The following LRP1B variants were observed in gnomAD, a reference collection of about 807,000 sequenced individuals.
LRP1B encodes the protein low-density lipoprotein receptor-related protein 1B.
LRP1B carries 217 observed loss-of-function variants against 556.6 expected under a neutral mutation model. The observed-to-expected ratio is 0.39, with a 90% CI of 0.35 to 0.44. LRP1B has a LOEUF of 0.44. Among genes scored for constraint, LRP1B ranks in the 20% least tolerant of loss-of-function variants. LRP1B has a pLI of 1.00. For synonymous variants in LRP1B, 2,047 were observed against 1,865.8 expected (o/e 1.10, Z -2.50); for missense variants, 5,053 against 5,620.8 (o/e 0.90, Z 3.23).
chr2:141,991,012 A>C (rs760144359), intron 1 of LRP1B, among the ~76,000 whole-genome samples: 1 of 151,798 alleles, frequency 6.6e-6, no homozygotes, highest in Non-Finnish European at 1.5e-5. Context: ...CCCGTTTTTC[A>C]TTTTGCACTT....
chr2:140,903,574 T>C (rs1302908682), intron 22 of LRP1B, among the ~76,000 whole-genome samples: 1 of 152,092 alleles, frequency 6.6e-6, no homozygotes, highest in African/African-American at 2.4e-5. Context: ...TAGACATATC[T>C]TGATGTTAAT....
intron 89 of LRP1B, 110 bp downstream of exon 89, chr2:140,238,042 C>G (rs1680788339): frequency 1.3e-5 from 12 of 945,232 alleles, no homozygotes; most frequent in African/African-American, 1.7e-5. Context: ...CCTAAAGTCC[C>G]TTATTCTAAC....
At chr2:141,749,727 A>C (rs1301158065) in intron 2 of LRP1B, among the ~76,000 whole-genome samples, 1 of 152,142 alleles carries the variant, frequency 6.6e-6, no homozygotes, top group Non-Finnish European at 1.5e-5. Flanking sequence ...AATGGAGTCT[A>C]TGAAGAGAGC....
chr2:140,613,427 A>G (rs1170119687), intron 41 of LRP1B, among the ~76,000 whole-genome samples: 1 of 145,352 alleles, frequency 6.9e-6, no homozygotes, highest in African/African-American at 2.5e-5. Context: ...AAATATATAT[A>G]TAATTATATA....
At chr2:140,800,986 T>C (rs1222827659) in intron 32 of LRP1B, among the ~76,000 whole-genome samples, 1 of 152,162 alleles carries the variant, frequency 6.6e-6, no homozygotes, top group African/African-American at 2.4e-5. Flanking sequence ...TTACATAAAA[T>C]GGCCATTTTA....
chr2:141,362,296 T>C (rs188520470), intron 3 of LRP1B, among the ~76,000 whole-genome samples: 1 of 152,366 alleles, frequency 6.6e-6, no homozygotes, highest in East Asian at 1.9e-4. Context: ...GAGATGATTA[T>C]GTATATTTAA....
At chr2:142,086,878 C>T (rs890969705) in intron 1 of LRP1B, among the ~76,000 whole-genome samples, 1 of 152,074 alleles carries the variant, frequency 6.6e-6, no homozygotes. Flanking sequence ...ATTGTCATCA[C>T]GAAAGCAATA....
At chr2:140,682,508 T>C (rs1377717568) in intron 41 of LRP1B, among the ~76,000 whole-genome samples, 2 of 152,210 alleles carry the variant, frequency 1.3e-5, no homozygotes, top group African/African-American at 4.8e-5. Flanking sequence ...TGCCTTGGGC[T>C]GGGCTGCAGG....
chr2:140,311,641 C>T (rs1207742151), intron 83 of LRP1B, among the ~76,000 whole-genome samples: 3 of 151,826 alleles, frequency 2.0e-5, no homozygotes, highest in Non-Finnish European at 4.4e-5. Context: ...TGTAACAAAA[C>T]TGCACTTGTA....
At chr2:140,702,115 C>T (rs1169330953) in intron 39 of LRP1B, 26 bp downstream of exon 39, 1 of 1,608,198 alleles carries the variant, frequency 6.2e-7, no homozygotes, top group Non-Finnish European at 8.5e-7. Context: ...TTTTGAGACT[C>T]AAATACTTAT....
chr2:140,703,502 T>TA (rs1559065630), intron 37 of LRP1B, among the ~76,000 whole-genome samples: 2 of 152,200 alleles, frequency 1.3e-5, no homozygotes. Context: ...CTGAAGTTTT[T>TA]ATCCAACTAT....
At chr2:141,869,769 C>T (rs185694663) in intron 1 of LRP1B, among the ~76,000 whole-genome samples, 1 of 152,196 alleles carries the variant, frequency 6.6e-6, no homozygotes, top group African/African-American at 2.4e-5. Context: ...AGGTACCTGG[C>T]AGAATGCCAG....
At chr2:142,100,551 A>G (rs1286824659) in intron 1 of LRP1B, among the ~76,000 whole-genome samples, 3 of 152,032 alleles carry the variant, frequency 2.0e-5, no homozygotes, top group Non-Finnish European at 4.4e-5. Flanking sequence ...ATGCTTATTT[A>G]TGATTCATTT....
chr2:142,064,538 G>C (rs542315318), intron 1 of LRP1B, among the ~76,000 whole-genome samples: 12 of 151,542 alleles, frequency 7.9e-5, no homozygotes, highest in African/African-American at 2.7e-4. Flanking sequence ...AAAGGGGATT[G>C]TAGTAATATC....
chr2:141,847,463 A>C (rs1358562343), intron 1 of LRP1B, among the ~76,000 whole-genome samples: 1 of 151,620 alleles, frequency 6.6e-6, no homozygotes, highest in Non-Finnish European at 1.5e-5. Context: ...AAGACATGAA[A>C]GCAGCTAGGT....
chr2:141,938,296 T>C (rs1700696942), intron 1 of LRP1B, among the ~76,000 whole-genome samples: 1 of 152,058 alleles, frequency 6.6e-6, no homozygotes, highest in Non-Finnish European at 1.5e-5. Context: ...TAGAAAAGGA[T>C]CTGAATCAAC....
intron 60 of LRP1B, among the ~76,000 whole-genome samples, chr2:140,459,812 G>T (rs1459163041): frequency 6.6e-6 from 1 of 152,018 alleles, no homozygotes; most frequent in Non-Finnish European, 1.5e-5. Context: ...TTTCTCCCTT[G>T]CTATTCTCCT....
At chr2:141,759,998 G>A (rs536221621) in intron 2 of LRP1B, among the ~76,000 whole-genome samples, 21 of 152,162 alleles carry the variant, frequency 1.4e-4, no homozygotes, top group Admixed American at 7.2e-4. Context: ...GCGTGGTTGC[G>A]TGCGTCTATA....
chr2:141,052,097 C>T (rs1318202431), intron 10 of LRP1B, among the ~76,000 whole-genome samples: 1 of 151,898 alleles, frequency 6.6e-6, no homozygotes, highest in Non-Finnish European at 1.5e-5. Flanking sequence ...TATAATAATA[C>T]TGAGATAAGC....
Sources: gnomAD v4.1 joint callset for allele counts (sites outside exome capture counted in the v4.1 genomes callset) on GRCh38, gnomAD v4.1.1 for gene constraint, MANE v1.5 for transcripts, NCBI Gene and HGNC (gene_info 2026-07-23, HGNC 2026-07-21) for gene names.